CFAP299: variants seen among roughly 807,000 people sequenced by gnomAD.
CFAP299 encodes the protein cilia and flagella associated protein 299.
Under a neutral mutation model 27.0 loss-of-function variants are expected in CFAP299, and 21 were observed. The ratio of observed to expected loss-of-function variants is 0.78; its 90% CI spans 0.55 to 1.12. CFAP299 has a LOEUF of 1.12. Among genes scored for constraint, CFAP299 ranks in the 50% most tolerant of loss-of-function variants. The pLI, the probability that CFAP299 is intolerant of heterozygous loss-of-function variation, is 0.00. For synonymous variants in CFAP299, 104 were observed against 98.1 expected (o/e 1.06, Z -0.36); for missense variants, 310 against 276.6 (o/e 1.12, Z -0.86).
chr4:80,348,612 G>A (rs1722864272), intron 1 of CFAP299, among the ~76,000 whole-genome samples: 1 of 151,930 alleles, frequency 6.6e-6, no homozygotes, highest in African/African-American at 2.4e-5. Context: ...GAGTTTGAGT[G>A]AGAACTTGGC....
intron 4 of CFAP299, among the ~76,000 whole-genome samples, chr4:80,888,404 A>G (rs755818881): frequency 6.6e-6 from 1 of 152,106 alleles, no homozygotes; most frequent in Non-Finnish European, 1.5e-5. Flanking sequence ...TTATTTAATG[A>G]TAAAGGGATC....
chr4:80,925,631 G>C (rs1469193743), intron 4 of CFAP299, among the ~76,000 whole-genome samples: 2 of 151,976 alleles, frequency 1.3e-5, no homozygotes, highest in Non-Finnish European at 2.9e-5. Context: ...TTTGGTACAA[G>C]TGTATAAGTG....
At chr4:80,572,535 T>TTTTTTTTTTTTTTTTTTG (rs869059415) in intron 2 of CFAP299, among the ~76,000 whole-genome samples, 1 of 127,912 alleles carries the variant, frequency 7.8e-6, no homozygotes, top group Non-Finnish European at 1.6e-5. Flanking sequence ...TTTTTTTTTT[T>TTTTTTTTTTTTTTTTTTG]GAGAGGGAGT....
chr4:80,696,482 A>G (rs964375617), intron 3 of CFAP299, among the ~76,000 whole-genome samples: 4 of 152,154 alleles, frequency 2.6e-5, no homozygotes, highest in African/African-American at 9.7e-5. Flanking sequence ...TCAAATAACA[A>G]TAAGAGACAG....
chr4:80,758,607 A>G (rs998949334), intron 3 of CFAP299, among the ~76,000 whole-genome samples: 12 of 152,130 alleles, frequency 7.9e-5, no homozygotes, highest in Admixed American at 5.9e-4. Context: ...TCCTGTTTCT[A>G]TCACTTCCTC....
intron 3 of CFAP299, among the ~76,000 whole-genome samples, chr4:80,843,686 A>T (rs1290596233): frequency 7.2e-5 from 11 of 152,114 alleles, no homozygotes; most frequent in Admixed American, 2.6e-4. Context: ...ACTAGTTTAC[A>T]GTTCCACCAA....
chr4:80,835,758 C>G (rs1274402518), intron 3 of CFAP299, among the ~76,000 whole-genome samples: 1 of 152,182 alleles, frequency 6.6e-6, no homozygotes, highest in Non-Finnish European at 1.5e-5. Context: ...TAGGGGACTT[C>G]CATCCTCCAG....
chr4:80,330,203 C>T, the CFAP299 span, among the ~76,000 whole-genome samples: 180 of 152,256 alleles, frequency 1.2e-3, no homozygotes, highest in African/African-American at 4.1e-3. Context: ...CCTGCAGCTA[C>T]TCCTAATTTC....
intron 2 of CFAP299, among the ~76,000 whole-genome samples, chr4:80,451,803 C>T (rs7680532): frequency 0.072 from 10,995 of 152,150 alleles, 1,299 homozygotes; most frequent in African/African-American, 0.25. Context: ...AGATGGAGCT[C>T]AATTTAAGAT....
chr4:80,812,230 G>T (rs1314895556), intron 3 of CFAP299, among the ~76,000 whole-genome samples: 3 of 152,074 alleles, frequency 2.0e-5, no homozygotes, highest in Non-Finnish European at 4.4e-5. Context: ...CAATCTTCTT[G>T]AATTTTGATC....
At chr4:80,481,069 G>A (rs1367201575) in intron 2 of CFAP299, among the ~76,000 whole-genome samples, 4 of 151,918 alleles carry the variant, frequency 2.6e-5, no homozygotes. Context: ...TGGCAACTGG[G>A]CAAGCATAGT....
chr4:80,843,056 T>C (rs1730950515), intron 3 of CFAP299, among the ~76,000 whole-genome samples: 1 of 151,328 alleles, frequency 6.6e-6, no homozygotes, highest in Admixed American at 6.6e-5. Flanking sequence ...GTCTCAACAA[T>C]CTCTTCTTTT....
chr4:80,873,886 G>A (rs901685126), intron 4 of CFAP299, among the ~76,000 whole-genome samples: 1 of 152,154 alleles, frequency 6.6e-6, no homozygotes, highest in African/African-American at 2.4e-5. Context: ...TCTTTTTAGA[G>A]CTTCCATGAA....
At chr4:80,402,432 A>G (rs1445642894) in intron 2 of CFAP299, among the ~76,000 whole-genome samples, 2 of 152,192 alleles carry the variant, frequency 1.3e-5, no homozygotes, top group Admixed American at 6.5e-5. Flanking sequence ...AAGTATCATG[A>G]GATCTGATGG....
At chr4:80,637,888 C>T (rs936540641) in intron 3 of CFAP299, among the ~76,000 whole-genome samples, 2 of 152,310 alleles carry the variant, frequency 1.3e-5, no homozygotes, top group Admixed American at 1.3e-4. Context: ...AAAGTCAGTA[C>T]AATCTCTGTA....
At chr4:80,553,491 A>C (rs1437416789) in intron 2 of CFAP299, among the ~76,000 whole-genome samples, 1 of 152,214 alleles carries the variant, frequency 6.6e-6, no homozygotes, top group African/African-American at 2.4e-5. Context: ...TCTCTATGGT[A>C]GAATGATTTA....
chr4:80,597,894 C>T (rs1015409304), intron 3 of CFAP299, among the ~76,000 whole-genome samples: 13 of 152,138 alleles, frequency 8.5e-5, no homozygotes, highest in Non-Finnish European at 1.6e-4. Context: ...GCCATGTTGG[C>T]CATGCTTATC....
At position 80,722,344 on chromosome 4, in the gene CFAP299, G is replaced by C. The variant is rs572205481; in HGVS notation, c.333+139161G>C. On this transcript the variant is annotated intron_variant, in intron 3 of 5. Coordinates refer to ENST00000358105, the MANE Select transcript of CFAP299 (RefSeq NM_152770.3). Reference sequence around the variant, plus strand: ...AGGCAGGAGAATCGCTTGAACCCAGGAGGCGGAGGTTGCAGTGAGCCGAGA... The same window carrying C: ...AGGCAGGAGAATCGCTTGAACCCAGCAGGCGGAGGTTGCAGTGAGCCGAGA... Among the ~76,000 whole-genome samples the C allele has an allele frequency of 1.9e-4, 29 of 151,764 alleles. No individual in the cohort carries two copies. In the South Asian group the frequency reaches 2.3e-3, roughly 12 times the overall value.
At chr4:80,707,834 T>G (rs560416935) in intron 3 of CFAP299, among the ~76,000 whole-genome samples, 3 of 152,180 alleles carry the variant, frequency 2.0e-5, no homozygotes, top group Non-Finnish European at 4.4e-5. Flanking sequence ...TTGGGGTAAA[T>G]GAGTATTCCA....
Sources: gnomAD v4.1 joint callset for allele counts (sites outside exome capture counted in the v4.1 genomes callset) on GRCh38, gnomAD v4.1.1 for gene constraint, MANE v1.5 for transcripts, NCBI Gene and HGNC (gene_info 2026-07-23, HGNC 2026-07-21) for gene names.